The following CNTNAP2 variants were observed in gnomAD, a reference collection of about 807,000 sequenced individuals.
CNTNAP2 encodes contactin-associated protein-like 2.
Under a neutral mutation model 155.2 loss-of-function variants are expected in CNTNAP2, and 98 were observed. That is an observed-to-expected ratio of 0.63 (90% CI 0.54 to 0.75). The LOEUF is 0.75. CNTNAP2 is among the 30% of genes least tolerant of loss of function. CNTNAP2 has a pLI of 0.00. For synonymous variants in CNTNAP2, 651 were observed against 631.2 expected (o/e 1.03, Z -0.47); for missense variants, 1,727 against 1,688.1 (o/e 1.02, Z -0.40).
At position 147,323,027 on chromosome 7, in the gene CNTNAP2, C is replaced by T. The variant is rs1274955167; in HGVS notation, c.1498+22737C>T. On this transcript the variant is annotated intron_variant, in intron 9 of 23. Coordinates refer to ENST00000361727, the MANE Select transcript of CNTNAP2 (RefSeq NM_014141.6). ...TTTGTTGATCCTTTCAAAAAACCAG[C>T]TCCTGGATTCATTGATTTTTTGAAG... is the stretch of plus-strand genomic sequence containing the variant. 5.0e-3 allele frequency among the ~76,000 whole-genome samples: 174 copies of T among 34,690 alleles called. 10 individuals are homozygous for T. Among genetic ancestry groups the T allele is most frequent in the Non-Finnish European group, 6.7e-3 (145 of 21,746 alleles). The allele number at this position is 34,690 out of a possible 152,430, so 22.8% of individuals were successfully genotyped here.
chr7:147,803,836 A>G (rs553266361), intron 13 of CNTNAP2, among the ~76,000 whole-genome samples: 1 of 152,310 alleles, frequency 6.6e-6, no homozygotes, highest in African/African-American at 2.4e-5. Context: ...TGTTGTTTAT[A>G]CTCAGTAATC....
intron 1 of CNTNAP2, among the ~76,000 whole-genome samples, chr7:146,706,031 T>A (rs1800959664): frequency 6.6e-6 from 1 of 152,170 alleles, no homozygotes; most frequent in African/African-American, 2.4e-5. Flanking sequence ...ATAACTTTGT[T>A]GTGGTGGATG....
intron 2 of CNTNAP2, among the ~76,000 whole-genome samples, chr7:146,809,114 C>G (rs1023933874): frequency 6.6e-6 from 1 of 152,112 alleles, no homozygotes; most frequent in Admixed American, 6.6e-5. Flanking sequence ...TACAGTAGTT[C>G]TATTTTTAAT....
chr7:147,711,000 A>C (rs1012634604), intron 13 of CNTNAP2, among the ~76,000 whole-genome samples: 3 of 152,136 alleles, frequency 2.0e-5, no homozygotes, highest in Non-Finnish European at 2.9e-5. Context: ...GGGTTCATCT[A>C]TTTGCTACTC....
At chr7:147,622,389 C>T (rs370494502) in intron 12 of CNTNAP2, among the ~76,000 whole-genome samples, 15 of 151,878 alleles carry the variant, frequency 9.9e-5, no homozygotes, top group African/African-American at 3.1e-4. Context: ...TGTTAGGTCA[C>T]AAAACAAGAC....
chr7:146,352,540 A>G (rs1794929861), intron 1 of CNTNAP2, among the ~76,000 whole-genome samples: 1 of 152,100 alleles, frequency 6.6e-6, no homozygotes, highest in Non-Finnish European at 1.5e-5. Context: ...ACCAGCCTGA[A>G]TAATACATTT....
intron 7 of CNTNAP2, among the ~76,000 whole-genome samples, chr7:147,129,980 T>C (rs543009001): frequency 6.6e-6 from 1 of 152,290 alleles, no homozygotes; most frequent in Non-Finnish European, 1.5e-5. Flanking sequence ...GCAAGTCGTA[T>C]TTTATATTTA....
At chr7:147,278,787 T>C (rs1049410545) in intron 8 of CNTNAP2, among the ~76,000 whole-genome samples, 9 of 151,474 alleles carry the variant, frequency 5.9e-5, no homozygotes, top group African/African-American at 2.2e-4. Flanking sequence ...TTTAAAATTA[T>C]TTCAGTCTTT....
intron 13 of CNTNAP2, among the ~76,000 whole-genome samples, chr7:147,660,300 T>C (rs1244470666): frequency 6.6e-6 from 1 of 152,200 alleles, no homozygotes; most frequent in Non-Finnish European, 1.5e-5. Context: ...CTACAACCTT[T>C]TCCTCCTACA....
chr7:147,507,635 C>G (rs1798931829), intron 11 of CNTNAP2, among the ~76,000 whole-genome samples: 2 of 147,656 alleles, frequency 1.4e-5, no homozygotes, highest in South Asian at 2.2e-4. Flanking sequence ...TCACTGCAAG[C>G]TCCGCCTCCC....
At chr7:148,097,262 G>A (rs551496385) in intron 15 of CNTNAP2, among the ~76,000 whole-genome samples, 10 of 143,010 alleles carry the variant, frequency 7.0e-5, no homozygotes, top group South Asian at 2.2e-4. Context: ...AGCATTCCCC[G>A]TCAGTGCTAC....
intron 1 of CNTNAP2, among the ~76,000 whole-genome samples, chr7:146,245,099 TTG>T (rs900760570): frequency 2.6e-5 from 4 of 152,138 alleles, no homozygotes; most frequent in Non-Finnish European, 1.5e-5. Flanking sequence ...CTGCCTTTGC[TTG>T]TGTGTGGCGA....
chr7:146,652,325 A>G (rs1799928235), intron 1 of CNTNAP2, among the ~76,000 whole-genome samples: 1 of 152,168 alleles, frequency 6.6e-6, no homozygotes, highest in African/African-American at 2.4e-5. Context: ...CTTTTGGGAA[A>G]TAGACCTACG....
At chr7:146,826,147 T>G (rs73459336) in intron 2 of CNTNAP2, among the ~76,000 whole-genome samples, 5,191 of 152,172 alleles carry the variant, frequency 0.034, 300 homozygotes, top group African/African-American at 0.12. Flanking sequence ...CCTAATTATT[T>G]GGTTAATAAA....
At chr7:147,373,907 A>G (rs1211747076) in intron 9 of CNTNAP2, among the ~76,000 whole-genome samples, 4 of 152,048 alleles carry the variant, frequency 2.6e-5, no homozygotes, top group African/African-American at 9.7e-5. Flanking sequence ...TAAACTGCCA[A>G]TATTTTACTT....
intron 1 of CNTNAP2, among the ~76,000 whole-genome samples, chr7:146,382,282 CAAGA>C (rs1795400827): frequency 6.6e-6 from 1 of 152,018 alleles, no homozygotes; most frequent in Non-Finnish European, 1.5e-5. Context: ...AACAGAAAAA[CAAGA>C]AAGAATAGTG....
At chr7:146,312,012 A>G (rs1182959142) in intron 1 of CNTNAP2, among the ~76,000 whole-genome samples, 2 of 152,146 alleles carry the variant, frequency 1.3e-5, no homozygotes, top group East Asian at 3.9e-4. Context: ...AAGTTTTTCT[A>G]AGGATTTTCA....
At chr7:146,631,188 C>G (rs1217006954) in intron 1 of CNTNAP2, among the ~76,000 whole-genome samples, 1 of 152,164 alleles carries the variant, frequency 6.6e-6, no homozygotes, top group Non-Finnish European at 1.5e-5. Context: ...ACCAATACAG[C>G]ATGGTACTGG....
At chr7:147,853,095 AC>A (rs1798978443) in intron 13 of CNTNAP2, among the ~76,000 whole-genome samples, 1 of 152,110 alleles carries the variant, frequency 6.6e-6, no homozygotes, top group Non-Finnish European at 1.5e-5. Flanking sequence ...TGCTACTCCC[AC>A]CTTTTCTTTC....
Sources: gnomAD v4.1 joint callset for allele counts (sites outside exome capture counted in the v4.1 genomes callset) on GRCh38, gnomAD v4.1.1 for gene constraint, MANE v1.5 for transcripts, NCBI Gene and HGNC (gene_info 2026-07-23, HGNC 2026-07-21) for gene names.